Variants in CCDC134 observed in about 807,000 individuals in gnomAD.
CCDC134 encodes coiled-coil domain-containing protein 134.
In CCDC134, 27 loss-of-function variants were observed where a neutral mutation model predicts 25.6. The observed-to-expected ratio is 1.05, with a 90% CI of 0.78 to 1.45. The LOEUF is 1.45. CCDC134 is among the 40% of genes most tolerant of loss of function. CCDC134 has a pLI of 0.00. For synonymous variants in CCDC134, 110 were observed against 115.0 expected, an observed-to-expected ratio of 0.96 and a Z score of 0.28; for missense variants, 261 against 286.7, an observed-to-expected ratio of 0.91 and a Z score of 0.65.
chr22:41,823,791 T>G (rs895913904), intron 6 of CCDC134, among the ~76,000 whole-genome samples: 2 of 152,088 alleles, frequency 1.3e-5, no homozygotes, highest in Non-Finnish European at 2.9e-5. Flanking sequence ...GAACCCAACA[T>G]GCACATCTTT....
At position 41,829,726 on chromosome 22, in the gene CCDC134, G is replaced by A. The variant is rs1043839255; in HGVS notation, c.*3903G>A. 4.6e-5 allele frequency among the ~76,000 whole-genome samples: 7 copies of A among 152,064 alleles called. No homozygotes were observed. The highest frequency in any genetic ancestry group is 1.0e-4 in the Non-Finnish European group (7 of 68,000). ...ACATGCCCAATCCATGGTAGATATCGAAACATAGTGGTTACCCAGTCTAAT... is the reference window on the plus strand; with the variant it reads ...ACATGCCCAATCCATGGTAGATATCAAAACATAGTGGTTACCCAGTCTAAT... On this transcript the variant is annotated 3_prime_UTR_variant, in exon 7 of 7. Transcript: ENST00000255784.
At position 41,829,771 on chromosome 22, in the gene CCDC134, CTTTCTTTTT is replaced by C. The variant is rs1569361182; in HGVS notation, c.*3961_*3969del. ...TCTAATCCATCCCTTTTCTTTCTTT[CTTTCTTTTT>C]TTTCTTTTTTTTTGAGACAAGTCTC... On this transcript the variant is annotated 3_prime_UTR_variant, in exon 7 of 7. Coordinates refer to ENST00000255784, the MANE Select transcript of CCDC134 (RefSeq NM_024821.5). Among the ~76,000 whole-genome samples the C allele has an allele frequency of 2.0e-5, 3 of 151,972 alleles. No homozygotes were observed. The highest frequency in any genetic ancestry group is 2.4e-5 in the African/African-American group (1 of 41,416).
In CCDC134 at chr22:41,828,009, G is replaced by A. The variant is rs534942248; in HGVS notation, c.*2186G>A. ...TTGGCAGCAGACCTAGCTTTCTTGG[G>A]GTGGCAGGGAGGCTAAAGCATACCT... On this transcript the variant is annotated 3_prime_UTR_variant, in exon 7 of 7. Coordinates refer to ENST00000255784, the MANE Select transcript of CCDC134 (RefSeq NM_024821.5). Among the ~76,000 whole-genome samples, 1 of 152,322 alleles carries A rather than the reference G, an allele frequency of 6.6e-6. No individual in the cohort carries two copies. Among genetic ancestry groups the A allele is most frequent in the Non-Finnish European group, 1.5e-5 (1 of 68,002 alleles).
chr22:41,805,091 A>G (rs1483069946), intron 1 of CCDC134, among the ~76,000 whole-genome samples: 1 of 151,978 alleles, frequency 6.6e-6, no homozygotes, highest in Non-Finnish European at 1.5e-5. Flanking sequence ...AAAGAGAGAG[A>G]GCAAAGTCTT....
intron 5 of CCDC134, 40 bp from the exon 6 acceptor site, chr22:41,813,711 A>G: frequency 6.3e-7 from 1 of 1,586,730 alleles, no homozygotes; most frequent in Non-Finnish European, 8.7e-7. Flanking sequence ...AGCAGGACTC[A>G]GGAGAAGGCA....
intron 4 of CCDC134, among the ~76,000 whole-genome samples, chr22:41,812,346 CGCGAGGCGGAGGTTGCA>C (rs2076600372): frequency 6.6e-6 from 1 of 150,454 alleles, no homozygotes; most frequent in Non-Finnish European, 1.5e-5. Flanking sequence ...CACTTGAACC[CGCGAGGCGGAGGTTGCA>C]GTGAGCCAAA....
intron 6 of CCDC134, among the ~76,000 whole-genome samples, chr22:41,823,271 C>T (rs1371619188): frequency 7.0e-6 from 1 of 142,590 alleles, no homozygotes; most frequent in Admixed American, 7.3e-5. Context: ...GTTGCCCAGA[C>T]TGGAGTGCAG....
At chr22:41,818,963 A>C (rs2076635561) in intron 6 of CCDC134, among the ~76,000 whole-genome samples, 1 of 152,236 alleles carries the variant, frequency 6.6e-6, no homozygotes, top group Non-Finnish European at 1.5e-5. Context: ...AGCATAGGCC[A>C]CAGAGAGAAT....
At position 41,830,959 on chromosome 22, in the gene CCDC134, C is replaced by A. The variant is rs1251248310; in HGVS notation, c.*5136C>A. On this transcript the variant is annotated 3_prime_UTR_variant, in exon 7 of 7. Coordinates refer to ENST00000255784, the MANE Select transcript of CCDC134 (RefSeq NM_024821.5). The stretch of plus-strand genomic sequence containing the variant: ...GGAGTGCAATGGCGCGATCTCTGCT[C>A]ACCGTAACTTCTGCCTCCCGGGTTC... 2.0e-5 allele frequency among the ~76,000 whole-genome samples: 3 copies of A among 147,106 alleles called. No individual in the cohort carries two copies. Among genetic ancestry groups the A allele is most frequent in the African/African-American group, 7.7e-5 (3 of 38,902 alleles).
chr22:41,827,979 C>A lies in CCDC134; in HGVS notation c.*2156C>A, dbSNP rs549453748. Among the ~76,000 whole-genome samples the A allele has an allele frequency of 1.3e-5, 2 of 152,214 alleles. No individual in the cohort carries two copies. Among genetic ancestry groups the A allele is most frequent in the Non-Finnish European group, 2.9e-5 (2 of 68,050 alleles). ...GAGAAAAAACTTTCTAAGAACCAGG[C>A]CTGGTTGGCAGCAGACCTAGCTTTC... On this transcript the variant is annotated 3_prime_UTR_variant, in exon 7 of 7. Transcript: ENST00000255784.
At chr22:41,801,113 C>T (rs1000177249) in intron 1 of CCDC134, among the ~76,000 whole-genome samples, 5 of 152,228 alleles carry the variant, frequency 3.3e-5, no homozygotes, top group African/African-American at 1.2e-4. Flanking sequence ...ACCTGTCCCG[C>T]AGGCTGCTGT....
At chr22:41,806,103 TAG>T (rs911010948) in intron 1 of CCDC134, among the ~76,000 whole-genome samples, 2 of 152,104 alleles carry the variant, frequency 1.3e-5, no homozygotes, top group Admixed American at 1.3e-4. Flanking sequence ...GATTACTTGT[TAG>T]AGTCTTCTTA....
At chr22:41,808,117 G>T (rs567158462) in intron 1 of CCDC134, among the ~76,000 whole-genome samples, 1 of 151,542 alleles carries the variant, frequency 6.6e-6, no homozygotes, top group African/African-American at 2.4e-5. Flanking sequence ...CCGAGATTGC[G>T]CCATTCCACT....
Position 41,808,836 on chromosome 22 carries a change from C to A in CCDC134, c.-16-39C>A, listed in dbSNP as rs1308197859. 2.0e-6 allele frequency: 3 copies of A among 1,477,968 alleles called. No individual in the cohort carries two copies. In the African/African-American group the frequency reaches 4.2e-5, roughly 20 times the overall value. 91.6% of individuals were successfully genotyped at this position (1,477,968 alleles called of 1,614,324 possible). A position where few individuals can be genotyped will look rare whatever the true frequency, so the allele number is the denominator to read the frequency against. On this transcript the variant is annotated intron_variant, in intron 1 of 6. Coordinates refer to ENST00000255784, the MANE Select transcript of CCDC134 (RefSeq NM_024821.5). Reference sequence around the variant, plus strand: ...GCACTCTATTTTATGTAACACCGATCTCTGAGTCTCACTCTCTTTCTTTGG... The same window carrying A: ...GCACTCTATTTTATGTAACACCGATATCTGAGTCTCACTCTCTTTCTTTGG...
At chr22:41,819,680 C>T (rs4820446) in intron 6 of CCDC134, among the ~76,000 whole-genome samples, 25,375 of 151,746 alleles carry the variant, frequency 0.17, 3,084 homozygotes, top group Admixed American at 0.36. Flanking sequence ...AAGGAATGCC[C>T]GGGGTAAGGT....
At chr22:41,821,971 T>C (rs1044611511) in intron 6 of CCDC134, among the ~76,000 whole-genome samples, 1 of 152,060 alleles carries the variant, frequency 6.6e-6, no homozygotes, top group Admixed American at 6.6e-5. Flanking sequence ...AGAAGGTATG[T>C]GCAGGAGAGC....
At chr22:41,809,344 C>T (rs1004716917) in intron 2 of CCDC134, among the ~76,000 whole-genome samples, 4 of 152,104 alleles carry the variant, frequency 2.6e-5, no homozygotes, top group Admixed American at 1.3e-4. Context: ...CTCAAGGACA[C>T]GAAGATGAAT....
rs866534555 is a variant in CCDC134, at chr22:41,813,291, C to T, written c.338C>T (p.Ala113Val). Residue 113 changes from alanine (A) to valine (V), a missense_variant, in exon 5 of 7, where the codon GCC becomes GTC. Ala to Val is a moderately conservative substitution (Grantham distance 64). Coordinates refer to ENST00000255784, the MANE Select transcript of CCDC134 (RefSeq NM_024821.5). ...DAFSHVVENTAFFGDVVLRFP... is the reference protein window; with the variant it reads ...DAFSHVVENTVFFGDVVLRFP... The stretch of plus-strand genomic sequence containing the variant: ...TTCTCCCACGTGGTGGAGAACACGG[C>T]CTTCTTCGGCGATGTGGTGCTGCGC... 2 of 1,614,188 alleles carry T rather than the reference C, an allele frequency of 1.2e-6. No homozygotes were observed. The highest frequency in any genetic ancestry group is 3.3e-5 in the Admixed American group (2 of 60,016).
At position 41,808,994 on chromosome 22, in the gene CCDC134, G is replaced by C. The variant is rs755609143; in HGVS notation, c.103+1G>C. ...TCCCTGGACCCAAGCCTGGAGATCT[G>C]TATCCTTTGGGGTTGTAGTTAATGA... On this transcript the variant is annotated splice_donor_variant, in intron 2 of 6. Coordinates refer to ENST00000255784, the MANE Select transcript of CCDC134 (RefSeq NM_024821.5). LOFTEE classifies it high-confidence loss of function. The C allele has an allele frequency of 6.2e-7, 1 of 1,610,612 alleles. No homozygotes were observed. Among genetic ancestry groups the C allele is most frequent in the Non-Finnish European group, 8.5e-7 (1 of 1,177,036 alleles).
Sources: allele counts gnomAD v4.1 joint callset (sites outside exome capture counted in the v4.1 genomes callset), GRCh38; gene constraint gnomAD v4.1.1; transcripts MANE v1.5; gene names NCBI Gene and HGNC (gene_info 2026-07-23, HGNC 2026-07-21).